NELL2: variants seen among roughly 807,000 people sequenced by gnomAD.
The protein encoded by NELL2 is protein kinase C-binding protein NELL2.
Under a neutral mutation model 109.6 loss-of-function variants are expected in NELL2, and 41 were observed. The observed-to-expected ratio is 0.37, with a 90% CI of 0.29 to 0.49. NELL2 has a LOEUF of 0.49. NELL2 is among the 20% of genes least tolerant of loss of function. The probability of loss-of-function intolerance (pLI) is 0.98; values close to 1 mark genes in which losing one functional copy is unlikely to be tolerated. For synonymous variants in NELL2, 355 were observed against 344.7 expected (o/e 1.03, Z -0.33); for missense variants, 900 against 1,008.3 (o/e 0.89, Z 1.45).
chr12:44,802,261 G>C (rs974516666), intron 3 of NELL2, among the ~76,000 whole-genome samples: 11 of 151,894 alleles, frequency 7.2e-5, no homozygotes, highest in African/African-American at 2.4e-4. Context: ...AAAACATGAG[G>C]TTTATTTTTA....
chr12:44,508,754 A>G lies in NELL2; in HGVS notation c.*180T>C. On this transcript the variant is annotated 3_prime_UTR_variant, in exon 20 of 20. Coordinates refer to ENST00000429094, the MANE Select transcript of NELL2 (RefSeq NM_001145108.2). Reference sequence around the variant, plus strand: ...CAGACTTGAGGTCTAATTTTGCCCCAGTAATTTTCCTTTTGTGATTTTGTC... The same window carrying G: ...CAGACTTGAGGTCTAATTTTGCCCCGGTAATTTTCCTTTTGTGATTTTGTC... 3.3e-6 allele frequency: 2 copies of G among 610,846 alleles called. No individual in the cohort carries two copies. Among genetic ancestry groups the G allele is most frequent in the African/African-American group, 1.9e-5 (1 of 53,622 alleles). The allele number at this position is 610,846 out of a possible 1,614,324, so 37.8% of individuals were successfully genotyped here.
At chr12:44,542,131 C>T (rs1252574309) in intron 15 of NELL2, among the ~76,000 whole-genome samples, 2 of 152,088 alleles carry the variant, frequency 1.3e-5, no homozygotes, top group African/African-American at 4.8e-5. Flanking sequence ...AAATATTTTA[C>T]TGATGATATA....
chr12:44,518,279 C>T (rs1351427173), intron 19 of NELL2, among the ~76,000 whole-genome samples: 4 of 149,618 alleles, frequency 2.7e-5, no homozygotes, highest in Non-Finnish European at 4.4e-5. Flanking sequence ...GAGTCTCGCT[C>T]TGTTGCCCAG....
intron 2 of NELL2, among the ~76,000 whole-genome samples, chr12:44,869,784 T>C (rs1210812888): frequency 6.6e-6 from 1 of 152,194 alleles, no homozygotes; most frequent in Admixed American, 6.5e-5. Context: ...CTTGGCTTTC[T>C]TTTCAGACTA....
At chr12:44,577,227 T>A (rs1246328929) in intron 15 of NELL2, among the ~76,000 whole-genome samples, 1 of 98,640 alleles carries the variant, frequency 1.0e-5, no homozygotes, top group African/African-American at 4.1e-5. Flanking sequence ...GACTTTTTAA[T>A]GATTGCCATT....
At position 44,665,401 on chromosome 12, in the gene NELL2, T is replaced by C. The variant is rs188081951; in HGVS notation, c.1444+83A>G. On this transcript the variant is annotated intron_variant, in intron 13 of 19. Coordinates refer to ENST00000429094, the MANE Select transcript of NELL2 (RefSeq NM_001145108.2). ...TTTTGTTGTATTTATGGTATACTTA[T>C]CAAAAAAATGAGAGTCAAAGAAATT... The C allele has an allele frequency of 9.4e-5, 113 of 1,207,338 alleles. No individual in the cohort carries two copies. The African/African-American group carries it at 1.4e-3, about 14-fold the overall frequency. The allele number at this position is 1,207,338 out of a possible 1,614,324, so 74.8% of individuals were successfully genotyped here.
intron 3 of NELL2, among the ~76,000 whole-genome samples, chr12:44,791,141 GCA>G (rs1942402558): frequency 3.9e-5 from 2 of 50,930 alleles, no homozygotes; most frequent in African/African-American, 1.9e-4. Context: ...ATATACACAC[GCA>G]CACACATACA....
Position 44,520,201 on chromosome 12 carries a change from G to T in NELL2, c.2204C>A (p.Pro735His). ...GAATTCACACTCCACATCTGGGCAA[G>T]GCAGGGGCCAACAATCAACTTCCCC... ...LQGEVDCWPL[P>H]CPDVECEFSI... The change falls in exon 19 of 20, where the codon CCT (proline) becomes CAT (histidine). Residue 735 changes from proline to histidine, a missense_variant. By Grantham distance (77) the Pro-to-His change is moderately conservative. Coordinates refer to ENST00000429094, the MANE Select transcript of NELL2 (RefSeq NM_001145108.2). 1 of 1,612,838 alleles carries T rather than the reference G, an allele frequency of 6.2e-7. No individual in the cohort carries two copies. Among genetic ancestry groups the T allele is most frequent in the Non-Finnish European group, 8.5e-7 (1 of 1,179,554 alleles).
rs548068765 is a variant in NELL2 at position 44,554,574 on chromosome 12, C to G, written c.1664-21853G>C. Among the ~76,000 whole-genome samples, 5 of 152,242 alleles carry G rather than the reference C, an allele frequency of 3.3e-5. No homozygotes were observed. In the South Asian group the frequency reaches 1.0e-3, roughly 32 times the overall value. On this transcript the variant is annotated intron_variant, in intron 15 of 19. Coordinates refer to ENST00000429094, the MANE Select transcript of NELL2 (RefSeq NM_001145108.2). ...ATGTATAACATATATTAAAACTTAT[C>G]AAACTTTACACTTTAAATATGTGGG...
intron 15 of NELL2, among the ~76,000 whole-genome samples, chr12:44,535,702 CTT>C (rs1458100371): frequency 6.6e-6 from 1 of 151,664 alleles, no homozygotes; most frequent in African/African-American, 2.4e-5. Context: ...GCAACTGAGA[CTT>C]ATAGTAGAGT....
intron 1 of NELL2, among the ~76,000 whole-genome samples, chr12:44,896,982 G>A (rs1249210346): frequency 6.6e-6 from 1 of 152,176 alleles, no homozygotes; most frequent in African/African-American, 2.4e-5. Flanking sequence ...CTTAATCGAA[G>A]GGGAACTTTA....
At chr12:44,666,553 G>A (rs1427733406) in intron 12 of NELL2, among the ~76,000 whole-genome samples, 1 of 152,102 alleles carries the variant, frequency 6.6e-6, no homozygotes, top group African/African-American at 2.4e-5. Flanking sequence ...CCACTACAGG[G>A]GCCATGTCAT....
At chr12:44,708,197 T>G (rs944897699) in intron 11 of NELL2, among the ~76,000 whole-genome samples, 4 of 152,194 alleles carry the variant, frequency 2.6e-5, no homozygotes, top group African/African-American at 4.8e-5. Context: ...TTGAAAGGGC[T>G]CTCTAATTTG....
At chr12:44,722,181 C>CA (rs1566238656) in intron 9 of NELL2, among the ~76,000 whole-genome samples, 1 of 146,850 alleles carries the variant, frequency 6.8e-6, no homozygotes, top group African/African-American at 2.5e-5. Flanking sequence ...AAATAAGAAA[C>CA]TTTTTTTTTT....
chr12:44,863,897 C>T lies in NELL2; in HGVS notation c.184+11328G>A, dbSNP rs115960975. ...ATGATATAAAAAGATGCAAACGGTG[C>T]ATTAAAAAATAAAATAAAATGTAGG... On this transcript the variant is annotated intron_variant, in intron 2 of 19. Transcript: ENST00000429094. 7.8e-3 allele frequency among the ~76,000 whole-genome samples: 1,193 copies of T among 152,068 alleles called. 15 individuals are homozygous for T. The highest frequency in any genetic ancestry group is 0.027 in the African/African-American group (1,115 of 41,508).
intron 3 of NELL2, among the ~76,000 whole-genome samples, chr12:44,801,232 C>G (rs1415499329): frequency 6.6e-6 from 1 of 152,004 alleles, no homozygotes; most frequent in African/African-American, 2.4e-5. Context: ...ATAATGTAGA[C>G]CATGATTTAT....
At chr12:44,549,332 C>A (rs1942933902) in intron 15 of NELL2, among the ~76,000 whole-genome samples, 1 of 152,036 alleles carries the variant, frequency 6.6e-6, no homozygotes. Flanking sequence ...CACTGCCAGT[C>A]TCTTATTATT....
chr12:44,850,708 A>G (rs1340641793), intron 2 of NELL2, among the ~76,000 whole-genome samples: 1 of 152,202 alleles, frequency 6.6e-6, no homozygotes, highest in Non-Finnish European at 1.5e-5. Context: ...AAATCTGCCA[A>G]ACTGAAATAC....
chr12:44,649,559 G>A (rs1264118062), intron 13 of NELL2, among the ~76,000 whole-genome samples: 1 of 152,170 alleles, frequency 6.6e-6, no homozygotes, highest in Non-Finnish European at 1.5e-5. Flanking sequence ...TGGCAGGGGT[G>A]ATACATACTA....
Sources: allele counts gnomAD v4.1 joint callset (sites outside exome capture counted in the v4.1 genomes callset), GRCh38; gene constraint gnomAD v4.1.1; transcripts MANE v1.5; gene names NCBI Gene and HGNC (gene_info 2026-07-23, HGNC 2026-07-21).